Variants in SLC7A7 observed in about 807,000 individuals in gnomAD.
The protein encoded by SLC7A7 is Y+L amino acid transporter 1.
In SLC7A7, 39 loss-of-function variants were observed where a neutral mutation model predicts 47.9. That is an observed-to-expected ratio of 0.81 (90% CI 0.63 to 1.06). SLC7A7 has a LOEUF of 1.06. SLC7A7 is among the 50% of genes least tolerant of loss of function. The pLI, the probability that SLC7A7 is intolerant of heterozygous loss-of-function variation, is 0.00. For synonymous variants in SLC7A7, 234 were observed against 242.8 expected (o/e 0.96, Z 0.34); for missense variants, 588 against 632.0 (o/e 0.93, Z 0.75).
intron 2 of SLC7A7, among the ~76,000 whole-genome samples, chr14:22,796,524 C>G (rs1052293797): frequency 3.9e-5 from 6 of 152,228 alleles, no homozygotes; most frequent in African/African-American, 1.4e-4. Context: ...TTCACTGTGG[C>G]CACATGTGTA....
In SLC7A7 at chr14:22,812,947, C is replaced by T; in HGVS notation, c.452G>A (p.Cys151Tyr). ...GCGGCTGGCAGCATAAGGGGCGAAG[C>T]AGCTCGGGAAGAGAGGCTGTACCAT... ...NYMVQPLFPSCFAPYAASRLL... is the reference protein window; with the variant it reads ...NYMVQPLFPSYFAPYAASRLL... Residue 151 changes from cysteine (C) to tyrosine (Y), a missense_variant, in exon 2 of 10, where the codon TGC (cysteine) becomes TAC (tyrosine). Physicochemically the swap from Cys to Tyr is radical, Grantham distance 194 (BLOSUM62 -2). Transcript: ENST00000674313. 1 of 1,613,894 alleles carries T rather than the reference C, an allele frequency of 6.2e-7. No individual in the cohort carries two copies. Among genetic ancestry groups the T allele is most frequent in the East Asian group, 2.2e-5 (1 of 44,876 alleles).
In SLC7A7 at chr14:22,813,457, T is replaced by C; in HGVS notation, c.-42-17A>G. ...GGCATTGCCCTTTAAGGAAGAAAGA[T>C]GATGCTATAGATTAGGTGGTTGGCA... On this transcript the variant is annotated splice_polypyrimidine_tract_variant and intron_variant, in intron 1 of 9. Coordinates refer to ENST00000674313, the MANE Select transcript of SLC7A7 (RefSeq NM_003982.4). 1.9e-6 allele frequency: 3 copies of C among 1,597,054 alleles called. No homozygotes were observed. The highest frequency in any genetic ancestry group is 2.5e-6 in the Non-Finnish European group (3 of 1,177,400).
At chr14:22,794,920 C>T (rs775972818) in intron 2 of SLC7A7, among the ~76,000 whole-genome samples, 2 of 152,094 alleles carry the variant, frequency 1.3e-5, no homozygotes, top group Non-Finnish European at 2.9e-5. Context: ...TTTCCCACCT[C>T]TAGTGACACA....
At position 22,791,975 on chromosome 14, in the gene SLC7A7, C is replaced by T. The variant is rs562856560; in HGVS notation, c.500-11924G>A. Among the ~76,000 whole-genome samples, 200 of 152,070 alleles carry T rather than the reference C, an allele frequency of 1.3e-3. 1 individual carries two copies. The highest frequency in any genetic ancestry group is 4.5e-3 in the African/African-American group (188 of 41,502). On this transcript the variant is annotated intron_variant, in intron 2 of 9. Transcript: ENST00000674313. ...TCAGCCTCCCGAGTAGCTGGGACTACGGGCGTCCGCCACCACGTCCGGCTA... is the reference window on the plus strand; with the variant it reads ...TCAGCCTCCCGAGTAGCTGGGACTATGGGCGTCCGCCACCACGTCCGGCTA...
intron 2 of SLC7A7, among the ~76,000 whole-genome samples, chr14:22,809,206 G>A (rs1162214002): frequency 6.6e-6 from 1 of 152,198 alleles, no homozygotes; most frequent in Non-Finnish European, 1.5e-5. Context: ...TTGAGACAGA[G>A]TCTCGCTCTG....
Position 22,776,110 on chromosome 14 carries a change from C to T in SLC7A7, c.894+85G>A, listed in dbSNP as rs980206290. 1.3e-5 allele frequency: 21 copies of T among 1,580,906 alleles called. No homozygotes were observed. The African/African-American group carries it at 2.4e-4, about 18-fold the overall frequency. ...AATGAACTCCTTTCAAGGCTGTCTA[C>T]CCCCTTTCCAGGACTTTCAAGAGCC... On this transcript the variant is annotated intron_variant, in intron 5 of 9. Transcript: ENST00000674313.
chr14:22,812,783 ATAT>A, intron 2 of SLC7A7, 114 bp downstream of exon 2: 1 of 651,038 alleles, frequency 1.5e-6, no homozygotes, highest in Non-Finnish European at 2.3e-6. Context: ...CTATATATAT[ATAT>A]ATATATGTTG....
In SLC7A7 at chr14:22,773,715, C is replaced by A; in HGVS notation, c.1431G>T (p.Gly477=). Residue 477 remains glycine (G), a splice_region_variant and synonymous_variant, in exon 10 of 10, where the codon GGG becomes GGT. Coordinates refer to ENST00000674313, the MANE Select transcript of SLC7A7 (RefSeq NM_003982.4). ...GGACCTGGAGGTACCTTGTGGCAGA[C>A]CCTACAAAGAGAACTTTGAGTTGGA... ...KRPLYLRRIV[G]SATRYLQVLC... 6.2e-7 allele frequency: 1 copy of A among 1,614,068 alleles called. No individual in the cohort carries two copies. The highest frequency in any genetic ancestry group is 8.5e-7 in the Non-Finnish European group (1 of 1,179,972).
In SLC7A7 at chr14:22,791,818, A is replaced by G. The variant is rs554235201; in HGVS notation, c.500-11767T>C. Among the ~76,000 whole-genome samples, 79 of 145,134 alleles carry G rather than the reference A, an allele frequency of 5.4e-4. 1 individual carries two copies. Among genetic ancestry groups the G allele is most frequent in the Admixed American group, 1.1e-3 (15 of 13,158 alleles). On this transcript the variant is annotated intron_variant, in intron 2 of 9. Transcript: ENST00000674313. ...TTGTTTTGTCTAATGTTGGTTTGGG[A>G]AAATCTCTACACCTTTTTTTTTTTT...
chr14:22,789,118 A>T (rs1342797013), intron 2 of SLC7A7, among the ~76,000 whole-genome samples: 1 of 152,174 alleles, frequency 6.6e-6, no homozygotes, highest in Non-Finnish European at 1.5e-5. Context: ...TTCTGCTCGT[A>T]CTTCACTAAC....
rs565008519 is a variant in SLC7A7 at position 22,779,470 on chromosome 14, G to T, written c.625+456C>A. Among the ~76,000 whole-genome samples, 66 of 151,218 alleles carry T rather than the reference G, an allele frequency of 4.4e-4. 1 individual carries two copies. In the South Asian group the frequency reaches 6.7e-3, roughly 15 times the overall value. On this transcript the variant is annotated intron_variant, in intron 3 of 9. Transcript: ENST00000674313. Reference sequence around the variant, plus strand: ...TATTTAATTCTTTTTTTTTTTTGGGGGGGGGACAGAGTCTCGCTCTGTCGC... The same window carrying T: ...TATTTAATTCTTTTTTTTTTTTGGGTGGGGGACAGAGTCTCGCTCTGTCGC...
At chr14:22,775,753 A>G (rs1298934252) in intron 6 of SLC7A7, 80 bp downstream of exon 6, 3 of 1,099,812 alleles carry the variant, frequency 2.7e-6, no homozygotes, top group East Asian at 2.3e-5. Context: ...AACACAAGTA[A>G]TCAAAGGCTG....
intron 2 of SLC7A7, among the ~76,000 whole-genome samples, chr14:22,786,553 C>G (rs2038821007): frequency 6.6e-6 from 1 of 152,236 alleles, no homozygotes. Flanking sequence ...TACGGAGTCT[C>G]AACCTGAAAT....
At chr14:22,775,092 G>GACAC (rs60658611) in intron 7 of SLC7A7, among the ~76,000 whole-genome samples, 33,868 of 151,520 alleles carry the variant, frequency 0.22, 4,235 homozygotes, top group Non-Finnish European at 0.28. Context: ...TGGATTTTAA[G>GACAC]ACACACACAC....
rs143342775 is a variant in SLC7A7, at chr14:22,777,405, T to C, written c.771-1087A>G. On this transcript the variant is annotated intron_variant, in intron 4 of 9. Transcript: ENST00000674313. ...CCTTCAGTAGGAAGAGAAGTGTATG[T>C]ATCTGACTAGCAGCCTGGAAGATAT... Among the ~76,000 whole-genome samples the C allele has an allele frequency of 7.9e-4, 121 of 152,300 alleles. 1 individual carries two copies. The highest frequency in any genetic ancestry group is 2.7e-3 in the African/African-American group (114 of 41,586).
intron 2 of SLC7A7, among the ~76,000 whole-genome samples, chr14:22,795,334 G>A (rs2038993922): frequency 6.7e-6 from 1 of 149,112 alleles, no homozygotes; most frequent in South Asian, 2.1e-4. Context: ...CTCCCAAAAT[G>A]CTAGGATTAC....
upstream of SLC7A7, among the ~76,000 whole-genome samples, chr14:22,818,616 T>TTA (rs397852730): frequency 7.9e-5 from 12 of 151,064 alleles, no homozygotes; most frequent in African/African-American, 2.9e-4. Context: ...GGGTTTTTTT[T>TTA]ACCCGAGATG....
chr14:22,806,137 A>C (rs1187591332), intron 2 of SLC7A7, among the ~76,000 whole-genome samples: 19 of 135,892 alleles, frequency 1.4e-4, no homozygotes, highest in African/African-American at 5.4e-4. Context: ...AAAAAAAAAA[A>C]AAACTGTACA....
intron 3 of SLC7A7, among the ~76,000 whole-genome samples, chr14:22,779,419 A>T (rs542866732): frequency 6.6e-6 from 1 of 151,034 alleles, no homozygotes; most frequent in Admixed American, 6.6e-5. Context: ...CAACTCCTCT[A>T]CTTACCGGTA....
Sources: gnomAD v4.1 joint callset for allele counts (sites outside exome capture counted in the v4.1 genomes callset) on GRCh38, gnomAD v4.1.1 for gene constraint, MANE v1.5 for transcripts, NCBI Gene and HGNC (gene_info 2026-07-23, HGNC 2026-07-21) for gene names.